Variants in SP4 observed in about 807,000 individuals in gnomAD.
SP4 encodes the protein transcription factor Sp4.
In SP4, 19 loss-of-function variants were observed where a neutral mutation model predicts 72.8. The observed-to-expected ratio is 0.26, with a 90% CI of 0.18 to 0.38. SP4 has a LOEUF of 0.38. SP4 is among the 10% of genes least tolerant of loss of function. The pLI is 1.00. For synonymous variants in SP4, 395 were observed against 333.1 expected (o/e 1.19, Z -2.02); for missense variants, 1,008 against 926.3 (o/e 1.09, Z -1.14).
chr7:21,485,183 T>C (rs1156930121), intron 5 of SP4, among the ~76,000 whole-genome samples: 1 of 151,986 alleles, frequency 6.6e-6, no homozygotes, highest in African/African-American at 2.4e-5. Flanking sequence ...AAGCATTTAA[T>C]ATGTTAAGTT....
intron 5 of SP4, among the ~76,000 whole-genome samples, chr7:21,503,015 G>A (rs558510973): frequency 2.6e-5 from 4 of 151,906 alleles, no homozygotes; most frequent in Non-Finnish European, 4.4e-5. Context: ...CCCTTGACTC[G>A]AGTATAGTGA....
chr7:21,496,932 C>T (rs755942014), intron 5 of SP4, among the ~76,000 whole-genome samples: 5 of 152,182 alleles, frequency 3.3e-5, no homozygotes, highest in East Asian at 1.9e-4. Context: ...CAGCACTAAA[C>T]GTGTGTGACC....
chr7:21,430,558 G>A lies in SP4; in HGVS notation c.1393G>A (p.Gly465Arg). 6.2e-7 allele frequency: 1 copy of A among 1,614,184 alleles called. No homozygotes were observed. Among genetic ancestry groups the A allele is most frequent in the Non-Finnish European group, 8.5e-7 (1 of 1,180,034 alleles). Residue 465 changes from glycine to arginine, a missense_variant, in exon 3 of 6, where the codon GGG becomes AGG. Physicochemically the swap from Gly to Arg is moderately radical, Grantham distance 125 (BLOSUM62 -2). Coordinates refer to ENST00000222584, the MANE Select transcript of SP4 (RefSeq NM_003112.5). ...CAGGGCTCCAACTTTAACACCTTCAGGGCAAATCAGTTGGCAAACTGTACA... is the reference window on the plus strand; with the variant it reads ...CAGGGCTCCAACTTTAACACCTTCAAGGCAAATCAGTTGGCAAACTGTACA... ...LIRAPTLTPS[G>R]QISWQTVQVQ...
intron 3 of SP4, among the ~76,000 whole-genome samples, chr7:21,434,216 G>A (rs879930169): frequency 6.6e-6 from 1 of 152,146 alleles, no homozygotes; most frequent in Admixed American, 6.5e-5. Flanking sequence ...AGCTTTGACG[G>A]AATGTAATTG....
chr7:21,451,505 G>T (rs1380598622), intron 3 of SP4, among the ~76,000 whole-genome samples: 1 of 152,086 alleles, frequency 6.6e-6, no homozygotes, highest in East Asian at 1.9e-4. Flanking sequence ...TTCTGTAACT[G>T]CTTCTTGCTG....
chr7:21,480,887 C>T (rs1227491758), intron 4 of SP4, among the ~76,000 whole-genome samples: 1 of 152,158 alleles, frequency 6.6e-6, no homozygotes, highest in East Asian at 1.9e-4. Context: ...AAGTCAATTC[C>T]TTTGGGAAGA....
intron 3 of SP4, among the ~76,000 whole-genome samples, chr7:21,449,857 A>G (rs1244841163): frequency 6.6e-6 from 1 of 151,522 alleles, no homozygotes; most frequent in East Asian, 1.9e-4. Flanking sequence ...ATTATAGGCA[A>G]GTCTTTTCTT....
At chr7:21,436,397 G>A (rs1783053004) in intron 3 of SP4, among the ~76,000 whole-genome samples, 1 of 152,160 alleles carries the variant, frequency 6.6e-6, no homozygotes, top group South Asian at 2.1e-4. Flanking sequence ...AGAAATAACA[G>A]ACTTACAAAA....
chr7:21,453,850 T>C (rs1017359106), intron 3 of SP4, among the ~76,000 whole-genome samples: 1 of 152,222 alleles, frequency 6.6e-6, no homozygotes, highest in African/African-American at 2.4e-5. Context: ...ACAGGATTTC[T>C]TTTACAAGAT....
intron 3 of SP4, among the ~76,000 whole-genome samples, chr7:21,433,804 G>T (rs998488135): frequency 6.6e-6 from 1 of 152,130 alleles, no homozygotes; most frequent in African/African-American, 2.4e-5. Flanking sequence ...GCTGGGCGTG[G>T]TGGCACATGC....
At chr7:21,459,287 C>T (rs1396231564) in intron 3 of SP4, among the ~76,000 whole-genome samples, 1 of 152,022 alleles carries the variant, frequency 6.6e-6, no homozygotes, top group African/African-American at 2.4e-5. Context: ...GCCCGGCTAA[C>T]TTTTTGTATT....
chr7:21,475,140 G>A (rs1238134731), intron 3 of SP4, among the ~76,000 whole-genome samples: 1 of 150,380 alleles, frequency 6.6e-6, no homozygotes, highest in African/African-American at 2.5e-5. Flanking sequence ...TTGAGACAGA[G>A]TCTCACTCTT....
chr7:21,499,446 C>T (rs1781812287), intron 5 of SP4, among the ~76,000 whole-genome samples: 3 of 152,250 alleles, frequency 2.0e-5, no homozygotes, highest in South Asian at 2.1e-4. Flanking sequence ...GGAGAAGACA[C>T]AGGGGAAAAG....
chr7:21,461,114 C>T (rs965195902), intron 3 of SP4, among the ~76,000 whole-genome samples: 1 of 152,252 alleles, frequency 6.6e-6, no homozygotes, highest in Non-Finnish European at 1.5e-5. Context: ...CCACCAGACT[C>T]AGGAGCCCTG....
In SP4 at chr7:21,477,183, C is replaced by T; in HGVS notation, c.1783C>T (p.Pro595Ser). 1 of 1,614,096 alleles carries T rather than the reference C, an allele frequency of 6.2e-7. No individual in the cohort carries two copies. Among genetic ancestry groups the T allele is most frequent in the Admixed American group, 1.7e-5 (1 of 60,022 alleles). The change falls in exon 4 of 6, where the codon CCT (proline) becomes TCT (serine). Residue 595 changes from proline (P) to serine (S), a missense_variant. Pro to Ser is a moderately conservative substitution (Grantham distance 74, BLOSUM62 -1). This residue lies in a region of SP4 where 893 missense variants were observed against 743.3 expected (regional missense o/e 1.20). Coordinates refer to ENST00000222584, the MANE Select transcript of SP4 (RefSeq NM_003112.5). ...IANATIGAVS[P>S]DQLTQVHLQQ... Reference sequence around the variant, plus strand: ...TAATGCCACGATAGGTGCTGTTAGTCCTGACCAACTCACACAAGTGCATTT... The same window carrying T: ...TAATGCCACGATAGGTGCTGTTAGTTCTGACCAACTCACACAAGTGCATTT...
rs1371099107 is a variant in SP4 at position 21,511,647 on chromosome 7, T to G, written c.*378T>G. The G allele has an allele frequency of 5.8e-6, 1 of 173,820 alleles. No homozygotes were observed. Among genetic ancestry groups the G allele is most frequent in the Non-Finnish European group, 1.3e-5 (1 of 79,734 alleles). 10.8% of individuals were successfully genotyped at this position (173,820 alleles called of 1,614,324 possible). A position where few individuals can be genotyped will look rare whatever the true frequency, so the allele number is the denominator to read the frequency against. ...TCTTTGAAAGTACTTTGTTATAAAT[T>G]CAGTCAGTAATAATTTACGTGTATT... On this transcript the variant is annotated 3_prime_UTR_variant, in exon 6 of 6. Coordinates refer to ENST00000222584, the MANE Select transcript of SP4 (RefSeq NM_003112.5).
At chr7:21,472,795 G>T (rs921628247) in intron 3 of SP4, among the ~76,000 whole-genome samples, 1 of 151,178 alleles carries the variant, frequency 6.6e-6, no homozygotes, top group Non-Finnish European at 1.5e-5. Context: ...AAAAAAAAAA[G>T]CAACCAAACA....
intron 5 of SP4, among the ~76,000 whole-genome samples, chr7:21,485,784 A>C (rs1430284431): frequency 2.6e-5 from 4 of 152,014 alleles, no homozygotes; most frequent in Admixed American, 2.0e-4. Flanking sequence ...TTTTAAGAAC[A>C]ATGTGAATTC....
intron 5 of SP4, among the ~76,000 whole-genome samples, chr7:21,487,617 G>A (rs2128412634): frequency 1.3e-5 from 2 of 152,156 alleles, no homozygotes; most frequent in Middle Eastern, 3.4e-3. Context: ...GGTGCTTGCT[G>A]AAATTATCTC....
Sources: gnomAD v4.1 joint callset for allele counts (sites outside exome capture counted in the v4.1 genomes callset) on GRCh38, gnomAD v4.1.1 for gene constraint, gnomAD v4.1.1 regional missense constraint, MANE v1.5 for transcripts, NCBI Gene and HGNC (gene_info 2026-07-23, HGNC 2026-07-21) for gene names.